Variants in SPTLC3 observed in about 807,000 individuals in gnomAD.
SPTLC3 encodes the protein serine palmitoyltransferase 3.
A neutral mutation model predicts 59.3 loss-of-function variants in SPTLC3; 36 were observed. That is an observed-to-expected ratio of 0.61 (90% CI 0.47 to 0.80). The LOEUF (loss-of-function observed/expected upper bound fraction) is 0.80, where lower values mean the gene tolerates loss of function less well. Ranked by LOEUF, SPTLC3 falls within the 30% of genes least tolerant of loss-of-function variation. SPTLC3 has a pLI of 0.00. For missense variants in SPTLC3, 625 were observed against 685.1 expected (o/e 0.91, Z 0.98); for synonymous variants, 257 against 240.8 (o/e 1.07, Z -0.62).
intron 1 of SPTLC3, among the ~76,000 whole-genome samples, chr20:13,044,674 G>A (rs1987149680): frequency 1.3e-5 from 2 of 152,082 alleles, no homozygotes; most frequent in African/African-American, 4.8e-5. Flanking sequence ...CATTTAATGA[G>A]TTTTTGTATT....
intron 6 of SPTLC3, among the ~76,000 whole-genome samples, chr20:13,097,658 C>G (rs1989467435): frequency 6.6e-6 from 1 of 152,100 alleles, no homozygotes; most frequent in South Asian, 2.1e-4. Context: ...ATATGATACC[C>G]TAAAAAGCCT....
chr20:13,108,606 G>A (rs564796940), intron 6 of SPTLC3, among the ~76,000 whole-genome samples: 5 of 152,192 alleles, frequency 3.3e-5, no homozygotes, highest in African/African-American at 1.2e-4. Flanking sequence ...ACAGAGTCTC[G>A]TTCTGTCACC....
At chr20:13,140,354 C>CA (rs1367037996) in intron 9 of SPTLC3, among the ~76,000 whole-genome samples, 32 of 152,176 alleles carry the variant, frequency 2.1e-4, no homozygotes, top group African/African-American at 6.3e-4. Context: ...GGACCATAGA[C>CA]GAAAAGGAAG....
chr20:13,163,495 C>T (rs536852729), intron 11 of SPTLC3, among the ~76,000 whole-genome samples: 1 of 152,064 alleles, frequency 6.6e-6, no homozygotes, highest in African/African-American at 2.4e-5. Context: ...GTCCATCCCC[C>T]ACCTTCAGCA....
chr20:13,122,294 A>G (rs558225971), intron 8 of SPTLC3, among the ~76,000 whole-genome samples: 17 of 152,366 alleles, frequency 1.1e-4, no homozygotes, highest in African/African-American at 3.6e-4. Flanking sequence ...TTGGAGACCA[A>G]TGTGACTCAA....
intron 1 of SPTLC3, among the ~76,000 whole-genome samples, chr20:13,045,177 C>G (rs1987179060): frequency 6.6e-6 from 1 of 152,110 alleles, no homozygotes; most frequent in Non-Finnish European, 1.5e-5. Flanking sequence ...CCTGCATATT[C>G]CAGCACCCAG....
At chr20:13,159,688 T>C (rs1203615456) in intron 10 of SPTLC3, among the ~76,000 whole-genome samples, 1 of 152,220 alleles carries the variant, frequency 6.6e-6, no homozygotes, top group Non-Finnish European at 1.5e-5. Flanking sequence ...TGCAGATTTG[T>C]TAAACCAGAG....
chr20:13,060,008 G>A (rs1018064597), intron 2 of SPTLC3, among the ~76,000 whole-genome samples: 1 of 152,000 alleles, frequency 6.6e-6, no homozygotes, highest in African/African-American at 2.4e-5. Context: ...TGGCAACTTC[G>A]TACTTTCCCC....
At chr20:13,060,450 AT>A (rs35172647) in intron 2 of SPTLC3, among the ~76,000 whole-genome samples, 20,242 of 150,458 alleles carry the variant, frequency 0.13, 1,677 homozygotes, top group African/African-American at 0.23. Flanking sequence ...TTATTTTTTA[AT>A]TTTTTTTATT....
At chr20:13,119,010 G>T (rs1990752011) in intron 8 of SPTLC3, among the ~76,000 whole-genome samples, 1 of 152,186 alleles carries the variant, frequency 6.6e-6, no homozygotes, top group South Asian at 2.1e-4. Flanking sequence ...GCTGGGTAAT[G>T]CTAAAACCAT....
chr20:13,021,046 C>G (rs1233685331), intron 1 of SPTLC3, among the ~76,000 whole-genome samples: 5 of 152,116 alleles, frequency 3.3e-5, no homozygotes, highest in African/African-American at 1.2e-4. Context: ...AGCCATAAAC[C>G]CTTGAAATCC....
chr20:13,145,699 A>T (rs2038493694), intron 9 of SPTLC3, among the ~76,000 whole-genome samples: 1 of 152,358 alleles, frequency 6.6e-6, no homozygotes, highest in African/African-American at 2.4e-5. Context: ...CTAAGTAAAA[A>T]GAACAAAGCT....
At chr20:13,119,690 A>C (rs1990792928) in intron 8 of SPTLC3, among the ~76,000 whole-genome samples, 1 of 152,122 alleles carries the variant, frequency 6.6e-6, no homozygotes, top group African/African-American at 2.4e-5. Context: ...CAGTGTCTAA[A>C]TTTACCACTA....
Position 13,074,447 on chromosome 20 carries a change from A to T in SPTLC3, c.557A>T (p.Asp186Val). 1 of 1,614,062 alleles carries T rather than the reference A, an allele frequency of 6.2e-7. No homozygotes were observed. Among genetic ancestry groups the T allele is most frequent in the Non-Finnish European group, 8.5e-7 (1 of 1,179,970 alleles). The change falls in exon 4 of 12, where the codon GAT (aspartate) becomes GTT (valine). Residue 186 changes from aspartate to valine, a missense_variant. Transcript: ENST00000399002. ...GATGAGTCTATGAGGACAATAAAGG[A>T]TGTTTTAGAGGTGTATGGCACAGGC... ...KYDESMRTIK[D>V]VLEVYGTGVA...
chr20:13,069,017 G>T (rs6041838), intron 2 of SPTLC3, among the ~76,000 whole-genome samples: 1 of 151,850 alleles, frequency 6.6e-6, no homozygotes, highest in African/African-American at 2.4e-5. Flanking sequence ...AGTATTTTCC[G>T]ACCTTCTCTT....
chr20:13,046,442 T>C (rs935857623), intron 1 of SPTLC3, among the ~76,000 whole-genome samples: 10 of 152,214 alleles, frequency 6.6e-5, no homozygotes, highest in Admixed American at 5.9e-4. Context: ...TTGCAGATAG[T>C]TTTCTTTTTC....
At chr20:13,142,986 A>C (rs908411627) in intron 9 of SPTLC3, among the ~76,000 whole-genome samples, 3 of 152,202 alleles carry the variant, frequency 2.0e-5, no homozygotes, top group Non-Finnish European at 2.9e-5. Flanking sequence ...GGCTCTCTTA[A>C]TTAGGACTTC....
intron 8 of SPTLC3, among the ~76,000 whole-genome samples, chr20:13,117,995 G>A (rs77267161): frequency 0.031 from 4,796 of 152,262 alleles, 118 homozygotes; most frequent in South Asian, 0.078. Flanking sequence ...GTACCAGGCA[G>A]AGGAATAATT....
intron 1 of SPTLC3, among the ~76,000 whole-genome samples, chr20:13,042,003 T>A (rs1987003945): frequency 1.3e-5 from 2 of 152,188 alleles, no homozygotes; most frequent in South Asian, 4.1e-4. Flanking sequence ...TGCTGCCGGA[T>A]TGCTCTATTG....
Sources: gnomAD v4.1 joint callset for allele counts (sites outside exome capture counted in the v4.1 genomes callset) on GRCh38, gnomAD v4.1.1 for gene constraint, MANE v1.5 for transcripts, NCBI Gene and HGNC (gene_info 2026-07-23, HGNC 2026-07-21) for gene names.